CATSPERD: variants seen among roughly 807,000 people sequenced by gnomAD.
CATSPERD encodes the protein cation channel sperm-associated auxiliary subunit delta.
A neutral mutation model predicts 98.1 loss-of-function variants in CATSPERD; 86 were observed. The ratio of observed to expected loss-of-function variants is 0.88; its 90% CI spans 0.74 to 1.05. The LOEUF (loss-of-function observed/expected upper bound fraction) is 1.05. CATSPERD is among the 50% of genes least tolerant of loss of function. The pLI is 0.00. For synonymous variants in CATSPERD, 394 were observed against 390.2 expected, an observed-to-expected ratio of 1.01 and a Z score of -0.12; for missense variants, 995 against 1,005.7, an observed-to-expected ratio of 0.99 and a Z score of 0.14.
At chr19:5,750,177 G>A (rs1035155233) in intron 11 of CATSPERD, among the ~76,000 whole-genome samples, 7 of 150,240 alleles carry the variant, frequency 4.7e-5, no homozygotes, top group Admixed American at 6.6e-5. Flanking sequence ...GGCCGGGCGT[G>A]GTGGCTCACG....
chr19:5,759,520 G>T (rs1049780858), intron 15 of CATSPERD, among the ~76,000 whole-genome samples: 2 of 148,764 alleles, frequency 1.3e-5, no homozygotes, highest in Non-Finnish European at 3.0e-5. Context: ...AGCCGAGATC[G>T]TGCCATTGCA....
chr19:5,754,591 T>C (rs1299684360), intron 13 of CATSPERD, among the ~76,000 whole-genome samples: 1 of 151,676 alleles, frequency 6.6e-6, no homozygotes. Context: ...GGAGACGGGG[T>C]TCCCCCATGT....
At position 5,733,951 on chromosome 19, in the gene CATSPERD, T is replaced by C; in HGVS notation, c.372T>C (p.Asn124=). Residue 124 remains asparagine, a synonymous_variant, in exon 5 of 22, where the codon AAT becomes AAC. Transcript: ENST00000381624. ...QKVYIYDYEN[N]SWSMSLGIKH... ...TCTATATTTATGATTATGAAAATAA[T>C]TCTTGGAGCATGTCTTTAGGTATGT... 6.2e-7 allele frequency: 1 copy of C among 1,601,434 alleles called. No individual in the cohort carries two copies. Among genetic ancestry groups the C allele is most frequent in the Non-Finnish European group, 8.5e-7 (1 of 1,172,230 alleles).
Position 5,754,205 on chromosome 19 carries a change from C to CT in CATSPERD, c.1240dup (p.Ser414PhefsTer101). 1 of 1,613,866 alleles carries CT rather than the reference C, an allele frequency of 6.2e-7. No homozygotes were observed. Among genetic ancestry groups the CT allele is most frequent in the Non-Finnish European group, 8.5e-7 (1 of 1,179,816 alleles). On this transcript the variant is annotated frameshift_variant, in exon 13 of 22. Coordinates refer to ENST00000381624, the MANE Select transcript of CATSPERD (RefSeq NM_152784.4). LOFTEE classifies it high-confidence loss of function. ...ATGCACAGCCAGCTGGAATTGACTG[C>CT]TTCGTTGATACCCCAGCCAGGCACA...
chr19:5,744,437 T>C lies in CATSPERD; in HGVS notation c.584T>C (p.Ile195Thr). 2 of 1,611,650 alleles carry C rather than the reference T, an allele frequency of 1.2e-6. No individual in the cohort carries two copies. The highest frequency in any genetic ancestry group is 2.2e-5 in the East Asian group (1 of 44,800). ...KYHYDRQAEIIGSLGGIFHFF... is the reference protein window; with the variant it reads ...KYHYDRQAEITGSLGGIFHFF... ...CTGTTTGTTTCATAGGCAGAAATCA[T>C]TGGGTCTTTAGGCGGAATCTTCCAC... Residue 195 changes from isoleucine (I) to threonine (T), a missense_variant, in exon 8 of 22, where the codon ATT (isoleucine) becomes ACT (threonine). Around this residue, in one of 3 missense-constraint regions of CATSPERD, gnomAD observed 762 missense variants for 773.7 expected, o/e 0.98. Coordinates refer to ENST00000381624, the MANE Select transcript of CATSPERD (RefSeq NM_152784.4).
intron 17 of CATSPERD, among the ~76,000 whole-genome samples, chr19:5,767,527 G>A (rs1277918321): frequency 2.7e-5 from 4 of 147,616 alleles, no homozygotes; most frequent in East Asian, 2.1e-4. Flanking sequence ...TTGCTCTGTC[G>A]CCCAGGCTGG....
chr19:5,775,648 CAAAAA>C (rs1156270373), intron 20 of CATSPERD, among the ~76,000 whole-genome samples: 1 of 61,494 alleles, frequency 1.6e-5, no homozygotes, highest in Non-Finnish European at 3.5e-5. Context: ...AACCCCATCT[CAAAAA>C]AAAAAAAAAA....
chr19:5,745,914 G>C lies in CATSPERD; in HGVS notation c.659G>C (p.Gly220Ala). The C allele has an allele frequency of 6.2e-7, 1 of 1,613,840 alleles. No homozygotes were observed. Among genetic ancestry groups the C allele is most frequent in the Non-Finnish European group, 8.5e-7 (1 of 1,179,926 alleles). The part of the protein sequence containing the change: ...VAMLVVNQGK[G>A]MFKYSDHPLN... ...CTGAATGGTGTCTTTTTCTCCCAGG[G>C]CATGTTCAAGTACTCAGATCACCCC... Residue 220 changes from glycine to alanine, a missense_variant and splice_region_variant, in exon 9 of 22, where the codon GGC (glycine) becomes GCC (alanine). Gly to Ala is a moderately conservative substitution (Grantham distance 60, BLOSUM62 0). This residue lies in a region of CATSPERD where 762 missense variants were observed against 773.7 expected (regional missense o/e 0.98). Coordinates refer to ENST00000381624, the MANE Select transcript of CATSPERD (RefSeq NM_152784.4).
intron 1 of CATSPERD, among the ~76,000 whole-genome samples, chr19:5,721,999 A>G (rs962037729): frequency 6.5e-4 from 98 of 151,162 alleles, no homozygotes; most frequent in Non-Finnish European, 8.9e-4. Context: ...AAAAAAAAAA[A>G]AGAGATGGGG....
intron 18 of CATSPERD, among the ~76,000 whole-genome samples, chr19:5,770,652 G>A (rs113719826): frequency 0.074 from 11,279 of 151,624 alleles, 494 homozygotes; most frequent in African/African-American, 0.11. Flanking sequence ...GTGGTGGTGC[G>A]TGCCTGTAAT....
intron 2 of CATSPERD, among the ~76,000 whole-genome samples, chr19:5,725,787 G>A (rs1204394098): frequency 1.3e-5 from 2 of 151,850 alleles, no homozygotes; most frequent in Non-Finnish European, 2.9e-5. Flanking sequence ...TGTAATCCCA[G>A]CTATCGGGAG....
intron 20 of CATSPERD, among the ~76,000 whole-genome samples, chr19:5,774,942 G>A (rs1305655025): frequency 6.6e-6 from 1 of 151,708 alleles, no homozygotes; most frequent in African/African-American, 2.4e-5. Flanking sequence ...GCTTGAACCT[G>A]GGAGGTAGAC....
At chr19:5,738,868 GC>G (rs891841970) in intron 6 of CATSPERD, among the ~76,000 whole-genome samples, 1 of 146,974 alleles carries the variant, frequency 6.8e-6, no homozygotes, top group African/African-American at 2.5e-5. Context: ...GAGCCAACAC[GC>G]CCGGCCTGTT....
rs1381530378 is a variant in CATSPERD at position 5,776,292 on chromosome 19, T to C, written c.2073T>C (p.Ile691=). ...ACAATGGCTTTTATGTCTTCTACAT[T>C]TCGATCGTGGATCCGTACTACAGGT... The part of the protein sequence containing the change: ...FGHNGFYVFY[I]SIVDPYYSYC... Residue 691 remains isoleucine (I), a synonymous_variant, in exon 21 of 22, where the codon ATT becomes ATC. Coordinates refer to ENST00000381624, the MANE Select transcript of CATSPERD (RefSeq NM_152784.4). 6.2e-7 allele frequency: 1 copy of C among 1,614,176 alleles called. No individual in the cohort carries two copies. The highest frequency in any genetic ancestry group is 1.1e-5 in the South Asian group (1 of 91,082).
chr19:5,747,550 C>T (rs2056117503), intron 9 of CATSPERD, among the ~76,000 whole-genome samples: 1 of 151,818 alleles, frequency 6.6e-6, no homozygotes, highest in South Asian at 2.1e-4. Flanking sequence ...ACTCAATGGC[C>T]ATCCCTCTGA....
rs1240481914 is a variant in CATSPERD at position 5,776,342 on chromosome 19, CAG to C, written c.2096+28_2096+29del. ...TGAGTGGGCCCATCTGCCCCTACGA[CAG>C]GGGACGCCTGGTGCCCCTGGGGGCA... On this transcript the variant is annotated intron_variant, in intron 21 of 21. Transcript: ENST00000381624. The C allele has an allele frequency of 2.5e-6, 4 of 1,608,384 alleles. No individual in the cohort carries two copies. The South Asian group carries it at 3.3e-5, about 13-fold the overall frequency.
intron 7 of CATSPERD, among the ~76,000 whole-genome samples, chr19:5,742,699 G>A (rs1416917104): frequency 6.6e-6 from 1 of 152,108 alleles, no homozygotes; most frequent in Non-Finnish European, 1.5e-5. Context: ...GGGGGCTGGA[G>A]GATTGCTTGA....
At chr19:5,758,206 G>A (rs1280193705) in intron 14 of CATSPERD, among the ~76,000 whole-genome samples, 1 of 152,068 alleles carries the variant, frequency 6.6e-6, no homozygotes, top group Non-Finnish European at 1.5e-5. Flanking sequence ...TGAGGCATGA[G>A]GATTGCGTGG....
rs757541319 is a variant in CATSPERD, at chr19:5,778,531, G to A, written c.2252G>A (p.Arg751His). The change falls in exon 22 of 22, where the codon CGC becomes CAC. Residue 751 changes from arginine to histidine, a missense_variant. Physicochemically the swap from Arg to His is conservative, Grantham distance 29 (BLOSUM62 0). Coordinates refer to ENST00000381624, the MANE Select transcript of CATSPERD (RefSeq NM_152784.4). ...YKTPKLLRTA[R>H]GRRIKKCATQ... is the part of the protein sequence containing the mutation. Reference sequence around the variant, plus strand: ...ACCCCCAAGCTGCTACGCACAGCACGCGGCCGCAGGATCAAGAAGTGTGCG... The same window carrying A: ...ACCCCCAAGCTGCTACGCACAGCACACGGCCGCAGGATCAAGAAGTGTGCG... 7.4e-6 allele frequency: 12 copies of A among 1,613,952 alleles called. No individual in the cohort carries two copies. The highest frequency in any genetic ancestry group is 2.7e-5 in the African/African-American group (2 of 75,024).
Sources: gnomAD v4.1 joint callset for allele counts (sites outside exome capture counted in the v4.1 genomes callset) on GRCh38, gnomAD v4.1.1 for gene constraint, gnomAD v4.1.1 regional missense constraint, MANE v1.5 for transcripts, NCBI Gene and HGNC (gene_info 2026-07-23, HGNC 2026-07-21) for gene names.